Variants in CPZ observed in about 807,000 individuals in gnomAD.
CPZ encodes VEZT/CPZ fusion.
A neutral mutation model predicts 61.8 loss-of-function variants in CPZ; 103 were observed. The observed-to-expected ratio is 1.67, with a 90% CI of 1.42 to 1.96. The LOEUF is 1.96. Among genes scored for constraint, CPZ ranks in the 30% most tolerant of loss-of-function variants. The pLI is 0.00. For synonymous variants in CPZ, 551 were observed against 373.7 expected (o/e 1.47, Z -5.47); for missense variants, 1,461 against 914.9 (o/e 1.60, Z -7.70).
intron 7 of CPZ, among the ~76,000 whole-genome samples, chr4:8,610,294 C>A (rs934246042): frequency 1.3e-5 from 2 of 152,236 alleles, no homozygotes; most frequent in Non-Finnish European, 2.9e-5. Context: ...TTGTCCTGCA[C>A]CTGCCCTCCC....
intron 9 of CPZ, 147 bp from the exon 10 acceptor site, chr4:8,618,282 C>G: frequency 1.5e-6 from 1 of 664,426 alleles, no homozygotes; most frequent in Non-Finnish European, 2.6e-6. Context: ...TTAAAGATGG[C>G]AGAGCGAGGG....
At chr4:8,615,257 G>C (rs1716065813) in intron 9 of CPZ, among the ~76,000 whole-genome samples, 1 of 152,066 alleles carries the variant, frequency 6.6e-6, no homozygotes, top group Non-Finnish European at 1.5e-5. Context: ...CGCTGCCCCA[G>C]AGAGCCAAGG....
rs890113472 is a variant in CPZ at position 8,592,888 on chromosome 4, C to T, written c.55C>T (p.Arg19Trp). The T allele has an allele frequency of 1.1e-4, 167 of 1,534,454 alleles. No homozygotes were observed. The highest frequency in any genetic ancestry group is 1.4e-4 in the Non-Finnish European group (159 of 1,144,108). ...TACAGTCCTGGTCGTCGCCGCTGCC[C>T]GGCCGGGGTGCGAGTTTGAGCGGAA... ...LLTVLVVAAA[R>W]PGCEFERNPA... Residue 19 changes from arginine to tryptophan, a missense_variant, in exon 1 of 11, where the codon CGG becomes TGG. By Grantham distance (101) the Arg-to-Trp change is moderately radical (BLOSUM62 -3). Coordinates refer to ENST00000360986, the MANE Select transcript of CPZ (RefSeq NM_001014447.3).
intron 1 of CPZ, among the ~76,000 whole-genome samples, chr4:8,594,162 G>A (rs1261831920): frequency 1.3e-5 from 2 of 152,234 alleles, no homozygotes; most frequent in Admixed American, 1.3e-4. Flanking sequence ...GCACAGCCGT[G>A]GCATCGGCAA....
At position 8,619,227 on chromosome 4, in the gene CPZ, C is replaced by T. The variant is rs116242881; in HGVS notation, c.1604-35C>T. On this transcript the variant is annotated intron_variant, in intron 10 of 10. Transcript: ENST00000360986. ...TCACCCCGTGGCTGGGTCTGCAGTC[C>T]TCGTGAGAATCATTTTTAATCTATT... is the stretch of plus-strand genomic sequence containing the variant. The T allele has an allele frequency of 2.3e-3, 3,504 of 1,553,622 alleles. 81 individuals carry two copies. The African/African-American group carries it at 0.042, about 19-fold the overall frequency.
intron 4 of CPZ, among the ~76,000 whole-genome samples, chr4:8,605,160 ATCCCTGGCTG>A (rs1205975597): frequency 6.6e-6 from 1 of 152,218 alleles, no homozygotes; most frequent in Non-Finnish European, 1.5e-5. Flanking sequence ...GTTTCCTCTC[ATCCCTGGCTG>A]TCCCTGGGCC....
At chr4:8,599,694 C>A in intron 2 of CPZ, 1 of 1,353,734 alleles carries the variant, frequency 7.4e-7, no homozygotes, top group Non-Finnish European at 9.8e-7. Flanking sequence ...GCACCAGCTT[C>A]CCACCGGGCT....
chr4:8,609,789 A>C (rs1246914793), intron 7 of CPZ, among the ~76,000 whole-genome samples: 1 of 152,230 alleles, frequency 6.6e-6, no homozygotes, highest in African/African-American at 2.4e-5. Flanking sequence ...GCCATCAATC[A>C]TCGGGCAGTG....
At chr4:8,607,919 G>A (rs914491941) in intron 7 of CPZ, among the ~76,000 whole-genome samples, 4 of 152,198 alleles carry the variant, frequency 2.6e-5, no homozygotes, top group Non-Finnish European at 5.9e-5. Flanking sequence ...CGTCCACTGG[G>A]CCATTAGGTG....
At chr4:8,600,446 C>T (rs565357011) in intron 2 of CPZ, among the ~76,000 whole-genome samples, 6 of 152,160 alleles carry the variant, frequency 3.9e-5, no homozygotes, top group Middle Eastern at 3.4e-3. Context: ...GTGGAGCCAG[C>T]GGCTGCGGGG....
At chr4:8,609,558 C>A (rs1195105805) in intron 7 of CPZ, among the ~76,000 whole-genome samples, 1 of 140,352 alleles carries the variant, frequency 7.1e-6, no homozygotes, top group African/African-American at 3.3e-5. Flanking sequence ...CCTGGCCTTG[C>A]ACCCCTGTGC....
At chr4:8,597,844 G>A (rs1714293881) in intron 1 of CPZ, among the ~76,000 whole-genome samples, 1 of 152,228 alleles carries the variant, frequency 6.6e-6, no homozygotes, top group South Asian at 2.1e-4. Flanking sequence ...CCTACAAAAT[G>A]ATTATAATGA....
intron 1 of CPZ, among the ~76,000 whole-genome samples, chr4:8,596,101 G>C (rs1425422175): frequency 1.3e-5 from 2 of 151,872 alleles, no homozygotes; most frequent in African/African-American, 4.8e-5. Flanking sequence ...ACCCAGGCTG[G>C]AGTGCAGTGG....
chr4:8,618,370 C>A, intron 9 of CPZ, 59 bp from the exon 10 acceptor site: 2 of 1,535,782 alleles, frequency 1.3e-6, no homozygotes, highest in Non-Finnish European at 1.8e-6. Context: ...GAGCTGACGG[C>A]CTCCACGCTC....
In CPZ at chr4:8,615,432, T is replaced by A. The variant is rs561572957; in HGVS notation, c.1503+934T>A. ...TTCTGCTATTTTTTTCCCAAGCGTT[T>A]TCAAGAATCACATAAATTGCATATG... On this transcript the variant is annotated intron_variant, in intron 9 of 10. Coordinates refer to ENST00000360986, the MANE Select transcript of CPZ (RefSeq NM_001014447.3). Among the ~76,000 whole-genome samples the A allele has an allele frequency of 5.9e-5, 9 of 152,244 alleles. No homozygotes were observed. The East Asian group carries it at 1.7e-3, about 29-fold the overall frequency.
intron 4 of CPZ, among the ~76,000 whole-genome samples, chr4:8,604,781 T>C (rs1714812364): frequency 6.6e-6 from 1 of 152,254 alleles, no homozygotes; most frequent in South Asian, 2.1e-4. Flanking sequence ...GCAGCCTCCA[T>C]TTGACCCTTG....
intron 9 of CPZ, among the ~76,000 whole-genome samples, chr4:8,615,420 T>A (rs1157652947): frequency 6.6e-6 from 1 of 152,180 alleles, no homozygotes; most frequent in Non-Finnish European, 1.5e-5. Context: ...TGCTATTTTT[T>A]TCCCAAGCGT....
At chr4:8,619,159 C>CA in intron 10 of CPZ, 103 bp from the exon 11 acceptor site, 1 of 1,004,362 alleles carries the variant, frequency 1.0e-6, no homozygotes, top group Non-Finnish European at 1.5e-6. Flanking sequence ...CATTTGGCGC[C>CA]TGCCTCCCAT....
In CPZ at chr4:8,619,724, CATTTT is replaced by C. The variant is rs1345110141; in HGVS notation, c.*111_*115del. On this transcript the variant is annotated 3_prime_UTR_variant, in exon 11 of 11. Transcript: ENST00000360986. ...CACAGACATCCCACAAAGCCGCTGC[CATTTT>C]ATTAAAGTGTTTTGATCCACTTTGC... The C allele has an allele frequency of 3.6e-6, 3 of 844,282 alleles. No homozygotes were observed. The highest frequency in any genetic ancestry group is 2.2e-5 in the South Asian group (1 of 44,474). 52.3% of individuals were successfully genotyped at this position (844,282 alleles called of 1,614,324 possible).
Sources: allele counts gnomAD v4.1 joint callset (sites outside exome capture counted in the v4.1 genomes callset), GRCh38; gene constraint gnomAD v4.1.1; transcripts MANE v1.5; gene names NCBI Gene and HGNC (gene_info 2026-07-23, HGNC 2026-07-21).